PHF3: variants seen among roughly 807,000 people sequenced by gnomAD.
PHF3 encodes the protein PHD finger protein 3.
In PHF3, 41 loss-of-function variants were observed where a neutral mutation model predicts 178.4. The ratio of observed to expected loss-of-function variants is 0.23; its 90% CI spans 0.18 to 0.30. PHF3 has a LOEUF of 0.30. Among genes scored for constraint, PHF3 ranks in the 10% least tolerant of loss-of-function variants. The probability of loss-of-function intolerance (pLI) is 1.00; values close to 1 mark genes in which losing one functional copy is unlikely to be tolerated. For missense variants in PHF3, 2,346 were observed against 2,398.1 expected (o/e 0.98, Z 0.45); for synonymous variants, 842 against 800.5 (o/e 1.05, Z -0.88).
intron 6 of PHF3, among the ~76,000 whole-genome samples, chr6:63,697,246 A>G (rs1767270868): frequency 6.6e-6 from 1 of 152,156 alleles, no homozygotes; most frequent in African/African-American, 2.4e-5. Context: ...TAATGTAGGT[A>G]GGTTGGATTT....
chr6:63,684,121 T>C lies in PHF3; in HGVS notation c.407-8T>C, dbSNP rs1766560247. The C allele has an allele frequency of 6.5e-7, 1 of 1,527,638 alleles. No individual in the cohort carries two copies. The highest frequency in any genetic ancestry group is 8.9e-7 in the Non-Finnish European group (1 of 1,123,386). 94.6% of individuals were successfully genotyped at this position (1,527,638 alleles called of 1,614,324 possible). A position where few individuals can be genotyped will look rare whatever the true frequency, so the allele number is the denominator to read the frequency against. ...AGTATTTTTATTTATTTTTTCCCCC[T>C]GTGATAGAACAAGTAAGAAGTTTGC... On this transcript the variant is annotated splice_region_variant and splice_polypyrimidine_tract_variant and intron_variant, in intron 3 of 15. Transcript: ENST00000262043.
chr6:63,705,403 C>T (rs1213882542), intron 11 of PHF3, among the ~76,000 whole-genome samples: 3 of 152,202 alleles, frequency 2.0e-5, no homozygotes, highest in Non-Finnish European at 4.4e-5. Flanking sequence ...AGGAGGTGAG[C>T]GGTGGACGAT....
Position 63,684,556 on chromosome 6 carries a change from C to T in PHF3, c.834C>T (p.Ala278=), listed in dbSNP as rs1219917587. ...ATGAAGCTTTGATGGAATGTAAAGC[C>T]AAGCCTGTTGGTAGTCCATTGTTTA... ...KKNEALMECK[A]KPVGSPLFKF... Residue 278 remains alanine (A), a synonymous_variant, in exon 4 of 16, where the codon GCC becomes GCT. Transcript: ENST00000262043. 6.2e-7 allele frequency: 1 copy of T among 1,613,816 alleles called. No individual in the cohort carries two copies. Among genetic ancestry groups the T allele is most frequent in the Admixed American group, 1.7e-5 (1 of 60,012 alleles).
intron 2 of PHF3, among the ~76,000 whole-genome samples, chr6:63,655,169 T>C (rs1765181289): frequency 6.6e-6 from 1 of 152,126 alleles, no homozygotes; most frequent in Admixed American, 6.5e-5. Flanking sequence ...GTTCAAGCAA[T>C]TCTCCTGCCT....
In PHF3 at chr6:63,713,078, A is replaced by T. The variant is rs779547480; in HGVS notation, c.5490A>T (p.Gly1830=). Residue 1830 remains glycine, a synonymous_variant, in exon 16 of 16, where the codon GGA becomes GGT. Coordinates refer to ENST00000262043, the MANE Select transcript of PHF3 (RefSeq NM_001370348.2). ...PPNFPPQSMF[G]FPPHLPPPLL... is the part of the protein sequence containing the mutation. ...ATTTTCCCCCACAAAGCATGTTTGGATTTCCACCACATTTGCCACCTCCAT... is the reference window on the plus strand; with the variant it reads ...ATTTTCCCCCACAAAGCATGTTTGGTTTTCCACCACATTTGCCACCTCCAT... The T allele has an allele frequency of 6.2e-7, 1 of 1,613,882 alleles. No individual in the cohort carries two copies. Among genetic ancestry groups the T allele is most frequent in the Non-Finnish European group, 8.5e-7 (1 of 1,179,934 alleles).
intron 4 of PHF3, among the ~76,000 whole-genome samples, chr6:63,688,001 G>A (rs1022647592): frequency 6.6e-6 from 1 of 151,764 alleles, no homozygotes; most frequent in African/African-American, 2.4e-5. Flanking sequence ...TGGCTAACAC[G>A]GTGAAACCCC....
intron 2 of PHF3, among the ~76,000 whole-genome samples, chr6:63,665,861 G>A (rs969156109): frequency 6.6e-6 from 1 of 152,096 alleles, no homozygotes; most frequent in East Asian, 1.9e-4. Flanking sequence ...TTATATTAAT[G>A]ACATTCTGTA....
chr6:63,662,916 T>C (rs1765530883), intron 2 of PHF3, among the ~76,000 whole-genome samples: 1 of 152,182 alleles, frequency 6.6e-6, no homozygotes, highest in Non-Finnish European at 1.5e-5. Flanking sequence ...GATGAGAGCA[T>C]TTTACTGGTT....
rs765310261 is a variant in PHF3, at chr6:63,721,352, A to G, written c.*7644A>G. Reference sequence around the variant, plus strand: ...AACATCTGCAAGAAAAAGTTGTGCCATTTACTGTACATTCACCTCCATTTC... The same window carrying G: ...AACATCTGCAAGAAAAAGTTGTGCCGTTTACTGTACATTCACCTCCATTTC... On this transcript the variant is annotated 3_prime_UTR_variant, in exon 16 of 16. Transcript: ENST00000262043. 17 of 1,551,778 alleles carry G rather than the reference A, an allele frequency of 1.1e-5. No individual in the cohort carries two copies. The highest frequency in any genetic ancestry group is 6.1e-6 in the Non-Finnish European group (7 of 1,146,984).
chr6:63,691,834 G>A lies in PHF3; in HGVS notation c.2287G>A (p.Glu763Lys). ...ACAGCAGATGGGCGAGGAAGACAAAGAATATGTCTGTGTAAAATGTTGTGC... is the reference window on the plus strand; with the variant it reads ...ACAGCAGATGGGCGAGGAAGACAAAAAATATGTCTGTGTAAAATGTTGTGC... ...QAQQMGEEDK[E>K]YVCVKCCAEE... The change falls in exon 5 of 16, where the codon GAA becomes AAA. Residue 763 changes from glutamate to lysine, a missense_variant. Physicochemically the swap from Glu to Lys is moderately conservative, Grantham distance 56. Around this residue, in one of 8 missense-constraint regions of PHF3, gnomAD observed 72 missense variants for 110.5 expected, o/e 0.65. Transcript: ENST00000262043. The A allele has an allele frequency of 6.2e-7, 1 of 1,613,528 alleles. No individual in the cohort carries two copies.
rs751161633 is a variant in PHF3, at chr6:63,702,531, G to T, written c.3123G>T (p.Glu1041Asp). 6 of 1,610,368 alleles carry T rather than the reference G, an allele frequency of 3.7e-6. No homozygotes were observed. Among genetic ancestry groups the T allele is most frequent in the Middle Eastern group, 1.6e-4 (1 of 6,070 alleles). The change falls in exon 10 of 16, where the codon GAG becomes GAT. Residue 1041 changes from glutamate (E) to aspartate (D), a missense_variant. Glu to Asp is a conservative substitution (Grantham distance 45, BLOSUM62 2). Transcript: ENST00000262043. Reference protein sequence around the residue: ...NRHTIEMIEKEQREVERRPIT... With the variant: ...NRHTIEMIEKDQREVERRPIT... Reference sequence around the variant, plus strand: ...AGACCATAGAAATGATTGAGAAAGAGCAGAGAGAAGTGGAACGACGGCCAA... The same window carrying T: ...AGACCATAGAAATGATTGAGAAAGATCAGAGAGAAGTGGAACGACGGCCAA...
Position 63,684,648 on chromosome 6 carries a change from T to C in PHF3, c.926T>C (p.Val309Ala), listed in dbSNP as rs753599947. 5 of 1,613,712 alleles carry C rather than the reference T, an allele frequency of 3.1e-6. No individual in the cohort carries two copies. In the Admixed American group the frequency reaches 6.7e-5, roughly 22 times the overall value. ...SISGKTGETV[V>A]EEMIATRKVE... is the part of the protein sequence containing the mutation. Reference sequence around the variant, plus strand: ...TCAGGTAAAACGGGTGAGACTGTTGTTGAAGAAATGATAGCAACAAGAAAA... The same window carrying C: ...TCAGGTAAAACGGGTGAGACTGTTGCTGAAGAAATGATAGCAACAAGAAAA... The change falls in exon 4 of 16, where the codon GTT (valine) becomes GCT (alanine). Residue 309 changes from valine to alanine, a missense_variant. By Grantham distance (64) the Val-to-Ala change is moderately conservative. Coordinates refer to ENST00000262043, the MANE Select transcript of PHF3 (RefSeq NM_001370348.2).
chr6:63,651,623 A>G (rs1484447306), intron 2 of PHF3, among the ~76,000 whole-genome samples: 1 of 152,142 alleles, frequency 6.6e-6, no homozygotes, highest in Non-Finnish European at 1.5e-5. Context: ...TGGCCTCCCA[A>G]AGTGCTGGGA....
chr6:63,684,083 G>C, intron 3 of PHF3, 46 bp from the exon 4 acceptor site: 2 of 1,394,572 alleles, frequency 1.4e-6, no homozygotes. Flanking sequence ...AAAAGCACAT[G>C]ACAAAATAGC....
At position 63,723,829 on chromosome 6, in the gene PHF3, T is replaced by C. The variant is rs1582143048; in HGVS notation, c.*10121T>C. 7.0e-6 allele frequency among the ~76,000 whole-genome samples: 1 copy of C among 142,628 alleles called. No homozygotes were observed. Among genetic ancestry groups the C allele is most frequent in the East Asian group, 2.1e-4 (1 of 4,746 alleles). 93.6% of individuals were successfully genotyped at this position (142,628 alleles called of 152,430 possible). On this transcript the variant is annotated 3_prime_UTR_variant, in exon 16 of 16. Transcript: ENST00000262043. ...ATTATTATTATTATTATTATTATTA[T>C]TATTATTTTGAGACCAGAGTCCTGC...
At position 63,715,620 on chromosome 6, in the gene PHF3, A is replaced by G. The variant is rs1768164189; in HGVS notation, c.*1912A>G. 3.9e-5 allele frequency: 6 copies of G among 152,248 alleles called. No homozygotes were observed. The South Asian group carries it at 1.2e-3, about 32-fold the overall frequency. The allele number at this position is 152,248 out of a possible 1,614,324, so 9.4% of individuals were successfully genotyped here. ...TAATAGTTTTTTCTACATATCTAAA[A>G]TTCTTTAATCAGTTCTGATCGAATC... On this transcript the variant is annotated 3_prime_UTR_variant, in exon 16 of 16. Transcript: ENST00000262043.
At chr6:63,697,522 CCTTGT>C (rs748916448) in intron 6 of PHF3, among the ~76,000 whole-genome samples, 8 of 151,966 alleles carry the variant, frequency 5.3e-5, no homozygotes, top group Non-Finnish European at 1.2e-4. Context: ...TATTTTTCTC[CCTTGT>C]CTTCAGCCGT....
At position 63,718,147 on chromosome 6, in the gene PHF3, G is replaced by A. The variant is rs1404492784; in HGVS notation, c.*4439G>A. Reference sequence around the variant, plus strand: ...AGTCATTTTGATTTATAGGAGAAAAGGCAGCAGTTTTCAGTTCTTAAATAT... The same window carrying A: ...AGTCATTTTGATTTATAGGAGAAAAAGCAGCAGTTTTCAGTTCTTAAATAT... On this transcript the variant is annotated 3_prime_UTR_variant, in exon 16 of 16. Coordinates refer to ENST00000262043, the MANE Select transcript of PHF3 (RefSeq NM_001370348.2). Among the ~76,000 whole-genome samples the A allele has an allele frequency of 3.3e-5, 5 of 151,948 alleles. No homozygotes were observed. The highest frequency in any genetic ancestry group is 7.4e-5 in the Non-Finnish European group (5 of 67,922).
intron 13 of PHF3, 65 bp from the exon 14 acceptor site, chr6:63,709,086 A>T: frequency 1.3e-6 from 1 of 781,244 alleles, no homozygotes; most frequent in Non-Finnish European, 2.0e-6. Context: ...ATTTGTATGA[A>T]TTACTAATGT....
Sources: gnomAD v4.1 joint callset for allele counts (sites outside exome capture counted in the v4.1 genomes callset) on GRCh38, gnomAD v4.1.1 for gene constraint, gnomAD v4.1.1 regional missense constraint, MANE v1.5 for transcripts, NCBI Gene and HGNC (gene_info 2026-07-23, HGNC 2026-07-21) for gene names.